Variants in CADM3 observed in about 807,000 individuals in gnomAD.
CADM3 encodes cell adhesion molecule 3, also known as TSLC1-like 1.
Under a neutral mutation model 44.9 loss-of-function variants are expected in CADM3, and 11 were observed. That is an observed-to-expected ratio of 0.25 (90% CI 0.15 to 0.41). The LOEUF (loss-of-function observed/expected upper bound fraction) is 0.41, where lower values mean the gene tolerates loss of function less well. Among genes scored for constraint, CADM3 ranks in the 10% least tolerant of loss-of-function variants. The probability of loss-of-function intolerance (pLI) is 1.00; values close to 1 mark genes in which losing one functional copy is unlikely to be tolerated. For synonymous variants in CADM3, 207 were observed against 205.2 expected (o/e 1.01, Z -0.08); for missense variants, 426 against 512.0 (o/e 0.83, Z 1.62).
intron 1 of CADM3, among the ~76,000 whole-genome samples, chr1:159,182,739 G>C (rs1649280834): frequency 6.6e-6 from 1 of 152,152 alleles, no homozygotes; most frequent in African/African-American, 2.4e-5. Flanking sequence ...AACCACCTCT[G>C]ACCCTTAGGA....
At chr1:159,182,067 C>A (rs141605334) in intron 1 of CADM3, among the ~76,000 whole-genome samples, 3,193 of 143,612 alleles carry the variant, frequency 0.022, 62 homozygotes, top group Non-Finnish European at 0.028. Context: ...GACACACACA[C>A]ACACACACAC....
chr1:159,199,649 G>T, intron 7 of CADM3, 102 bp from the exon 8 acceptor site: 1 of 1,487,832 alleles, frequency 6.7e-7, no homozygotes, highest in Admixed American at 1.7e-5. Flanking sequence ...CCTGATGTTA[G>T]TACCTGTTCC....
intron 1 of CADM3, chr1:159,178,552 T>A (rs142324522): frequency 1.3e-5 from 2 of 152,190 alleles, no homozygotes; most frequent in African/African-American, 4.8e-5. Context: ...GGTTAGTACA[T>A]GTATAGGAGA....
rs932364013 is a variant in CADM3, at chr1:159,189,983, C to T, written c.89-1953C>T. ...CATGTTCTCACTCCTCTCATTACCACACAGCACTTTCTCCTTTCCATCTGA... is the reference window on the plus strand; with the variant it reads ...CATGTTCTCACTCCTCTCATTACCATACAGCACTTTCTCCTTTCCATCTGA... On this transcript the variant is annotated intron_variant, in intron 1 of 8. Coordinates refer to ENST00000368125, the MANE Select transcript of CADM3 (RefSeq NM_001127173.3). The T allele has an allele frequency of 4.2e-6, 3 of 712,734 alleles. No individual in the cohort carries two copies. In the East Asian group the frequency reaches 8.2e-5, roughly 20 times the overall value. 44.2% of individuals were successfully genotyped at this position (712,734 alleles called of 1,614,324 possible).
chr1:159,191,842 T>G, intron 1 of CADM3, 94 bp from the exon 2 acceptor site: 1 of 1,479,172 alleles, frequency 6.8e-7, no homozygotes, highest in Non-Finnish European at 9.3e-7. Flanking sequence ...ACAAGGGCCT[T>G]GGATGGTCTG....
chr1:159,181,161 TC>T (rs1649220023), intron 1 of CADM3, among the ~76,000 whole-genome samples: 1 of 152,204 alleles, frequency 6.6e-6, no homozygotes, highest in South Asian at 2.1e-4. Flanking sequence ...GTTTCCTTTC[TC>T]AAGTACTTTC....
At position 159,193,883 on chromosome 1, in the gene CADM3, C is replaced by T. The variant is rs1478548649; in HGVS notation, c.534C>T (p.Arg178=). ...TCTGCACTCTAGGAGAACCAACCCGCATACAGGAAGATCCCAATGGTAAAA... is the reference window on the plus strand; with the variant it reads ...TCTGCACTCTAGGAGAACCAACCCGTATACAGGAAGATCCCAATGGTAAAA... ...GDQELHGEPT[R]IQEDPNGKTF... The change falls in exon 5 of 9, where the codon CGC becomes CGT. Residue 178 remains arginine (R), a synonymous_variant. Transcript: ENST00000368125. 1.2e-6 allele frequency: 2 copies of T among 1,613,648 alleles called. No homozygotes were observed. Among genetic ancestry groups the T allele is most frequent in the Non-Finnish European group, 1.7e-6 (2 of 1,179,802 alleles).
At chr1:159,178,180 C>G (rs1486215072) in intron 1 of CADM3, among the ~76,000 whole-genome samples, 1 of 152,168 alleles carries the variant, frequency 6.6e-6, no homozygotes, top group Admixed American at 6.5e-5. Flanking sequence ...ACTGGCACAG[C>G]TTTTAAAAAT....
Position 159,193,858 on chromosome 1 carries a change from T to C in CADM3, c.521-12T>C, listed in dbSNP as rs758527248. The C allele has an allele frequency of 1.2e-6, 2 of 1,611,908 alleles. No individual in the cohort carries two copies. Among genetic ancestry groups the C allele is most frequent in the South Asian group, 2.2e-5 (2 of 90,732 alleles). ...GTGTGTTTGTGTGTGTGCCACTGTT[T>C]CTGCACTCTAGGAGAACCAACCCGC... On this transcript the variant is annotated splice_polypyrimidine_tract_variant and intron_variant, in intron 4 of 8. Transcript: ENST00000368125.
In CADM3 at chr1:159,191,933, C is replaced by T; in HGVS notation, c.89-3C>T. 2.5e-6 allele frequency: 4 copies of T among 1,614,010 alleles called. No homozygotes were observed. The highest frequency in any genetic ancestry group is 1.7e-5 in the Admixed American group (1 of 60,016). ...GGAAACTAACACTCTTCTACTCCTG[C>T]AGACAGCCAGCCCTGGACATCTGAT... On this transcript the variant is annotated splice_polypyrimidine_tract_variant and splice_region_variant and intron_variant, in intron 1 of 8. Transcript: ENST00000368125.
rs138156500 is a variant in CADM3 at position 159,196,809 on chromosome 1, C to T, written c.783-82C>T. ...GCCTCATCAAACAGTCCTTGACATC[C>T]CTGCTCCCAGTTATTTTTTTTTTTC... is the stretch of plus-strand genomic sequence containing the variant. On this transcript the variant is annotated intron_variant, in intron 6 of 8. Transcript: ENST00000368125. 5 of 1,355,952 alleles carry T rather than the reference C, an allele frequency of 3.7e-6. No homozygotes were observed. In the East Asian group the frequency reaches 6.9e-5, roughly 19 times the overall value. 84.0% of individuals were successfully genotyped at this position (1,355,952 alleles called of 1,614,324 possible).
chr1:159,199,503 A>C (rs1388729737), intron 7 of CADM3, among the ~76,000 whole-genome samples: 1 of 152,182 alleles, frequency 6.6e-6, no homozygotes, highest in African/African-American at 2.4e-5. Context: ...TTCAGTGCCA[A>C]GAACTCAACT....
intron 1 of CADM3, among the ~76,000 whole-genome samples, chr1:159,172,363 C>T (rs1466910709): frequency 6.6e-6 from 1 of 152,102 alleles, no homozygotes; most frequent in East Asian, 1.9e-4. Context: ...TCTGCTCCCC[C>T]GCCCGTCCCC....
In CADM3 at chr1:159,199,774, T is replaced by C. The variant is rs748170877; in HGVS notation, c.976T>C (p.Ser326Pro). The change falls in exon 8 of 9, where the codon TCC becomes CCC. Residue 326 changes from serine (S) to proline (P), a missense_variant. By Grantham distance (74) the Ser-to-Pro change is moderately conservative (BLOSUM62 -1). Around this residue, in one of 2 missense-constraint regions of CADM3, gnomAD observed 362 missense variants for 474.6 expected, o/e 0.76. Coordinates refer to ENST00000368125, the MANE Select transcript of CADM3 (RefSeq NM_001127173.3). ...VNDPSPVPSS[S>P]STYHAIIGGI... ...AGACCCCAGTCCGGTGCCCTCCTCCTCCAGCACCTACCACGCCATCATCGG... is the reference window on the plus strand; with the variant it reads ...AGACCCCAGTCCGGTGCCCTCCTCCCCCAGCACCTACCACGCCATCATCGG... The C allele has an allele frequency of 1.2e-6, 2 of 1,613,976 alleles. No individual in the cohort carries two copies. Among genetic ancestry groups the C allele is most frequent in the African/African-American group, 1.3e-5 (1 of 74,882 alleles).
At chr1:159,183,532 T>C (rs1649310914) in intron 1 of CADM3, among the ~76,000 whole-genome samples, 1 of 151,874 alleles carries the variant, frequency 6.6e-6, no homozygotes, top group South Asian at 2.1e-4. Flanking sequence ...ATCAGGGAGG[T>C]AGGCAGCTGA....
rs975265753 is a variant in CADM3, at chr1:159,192,663, G to C, written c.315G>C (p.Glu105Asp). The C allele has an allele frequency of 1.2e-6, 2 of 1,614,142 alleles. No individual in the cohort carries two copies. Among genetic ancestry groups the C allele is most frequent in the Admixed American group, 1.7e-5 (1 of 60,024 alleles). The change falls in exon 3 of 9, where the codon GAG becomes GAC. Residue 105 changes from glutamate (E) to aspartate (D), a missense_variant. Physicochemically the swap from Glu to Asp is conservative, Grantham distance 45. Coordinates refer to ENST00000368125, the MANE Select transcript of CADM3 (RefSeq NM_001127173.3). Reference sequence around the variant, plus strand: ...TCAGCAATGTGGCCCTGGCAGACGAGGGCGAGTACACCTGCTCAATCTTCA... The same window carrying C: ...TCAGCAATGTGGCCCTGGCAGACGACGGCGAGTACACCTGCTCAATCTTCA... ...ISISNVALADEGEYTCSIFTM... is the reference protein window; with the variant it reads ...ISISNVALADDGEYTCSIFTM...
intron 1 of CADM3, among the ~76,000 whole-genome samples, chr1:159,176,370 C>T (rs1237496202): frequency 1.3e-5 from 2 of 152,122 alleles, no homozygotes; most frequent in Non-Finnish European, 2.9e-5. Context: ...TAGAGGTCCA[C>T]CCTTAATCTC....
At chr1:159,178,272 A>C (rs1649100837) in intron 1 of CADM3, among the ~76,000 whole-genome samples, 1 of 152,228 alleles carries the variant, frequency 6.6e-6, no homozygotes, top group African/African-American at 2.4e-5. Flanking sequence ...ATAAGTGTGG[A>C]ATGTAAAATG....
chr1:159,187,714 C>T (rs1387312712), intron 1 of CADM3, among the ~76,000 whole-genome samples: 8 of 152,142 alleles, frequency 5.3e-5, no homozygotes, highest in African/African-American at 1.7e-4. Flanking sequence ...TCTGCCGTCC[C>T]ACACCTTGGC....
Sources: gnomAD v4.1 joint callset for allele counts (sites outside exome capture counted in the v4.1 genomes callset) on GRCh38, gnomAD v4.1.1 for gene constraint, gnomAD v4.1.1 regional missense constraint, MANE v1.5 for transcripts, NCBI Gene and HGNC (gene_info 2026-07-23, HGNC 2026-07-21) for gene names.